ACTN2: variants seen among roughly 807,000 people sequenced by gnomAD.
ACTN2 encodes the protein alpha-actinin-2.
In ACTN2, 39 loss-of-function variants were observed where a neutral mutation model predicts 113.8. The observed-to-expected ratio is 0.34, with a 90% confidence interval of 0.27 to 0.45. The LOEUF (loss-of-function observed/expected upper bound fraction) is 0.45. ACTN2 is among the 20% of genes least tolerant of loss of function. The pLI, the probability that ACTN2 is intolerant of heterozygous loss-of-function variation, is 1.00. For synonymous variants in ACTN2, 429 were observed against 444.1 expected, an observed-to-expected ratio of 0.97 and a Z score of 0.43; for missense variants, 992 against 1,177.9, an observed-to-expected ratio of 0.84 and a Z score of 2.31.
intron 1 of ACTN2, among the ~76,000 whole-genome samples, chr1:236,701,176 CTT>C (rs1048490795): frequency 3.9e-5 from 6 of 152,170 alleles, no homozygotes; most frequent in Non-Finnish European, 7.3e-5. Context: ...AGACTACAAA[CTT>C]TGGTCTCCCT....
intron 15 of ACTN2, 69 bp from the exon 16 acceptor site, chr1:236,753,878 C>T (rs1048206854): frequency 6.0e-6 from 9 of 1,499,724 alleles, no homozygotes; most frequent in East Asian, 4.6e-5. Flanking sequence ...GGACTATTCC[C>T]GCATTCTGTG....
intron 1 of ACTN2, among the ~76,000 whole-genome samples, chr1:236,716,636 C>T (rs1394773419): frequency 1.3e-5 from 2 of 151,894 alleles, no homozygotes; most frequent in Non-Finnish European, 2.9e-5. Flanking sequence ...TTGGAATATG[C>T]TTGTAGGAGG....
chr1:236,727,412 C>T (rs1658584331), intron 5 of ACTN2, among the ~76,000 whole-genome samples: 1 of 152,130 alleles, frequency 6.6e-6, no homozygotes, highest in Admixed American at 6.5e-5. Flanking sequence ...ATCTCCCTTC[C>T]TGTCACTGCC....
chr1:236,754,146 A>C lies in ACTN2; in HGVS notation c.1974+65A>C, dbSNP rs1659483863. 1 of 1,599,444 alleles carries C rather than the reference A, an allele frequency of 6.3e-7. No homozygotes were observed. The highest frequency in any genetic ancestry group is 2.2e-5 in the East Asian group (1 of 44,844). On this transcript the variant is annotated intron_variant, in intron 16 of 20. Coordinates refer to ENST00000366578, the MANE Select transcript of ACTN2 (RefSeq NM_001103.4). The surrounding 1 kb of genome is among the most constrained non-coding windows in gnomAD (Gnocchi z 4.9). ...CGATAAGTCCCTTTAGCCACGCAGC[A>C]GTGACACCGCACATGCTGTGGTTTC...
chr1:236,761,038 T>C lies in ACTN2; in HGVS notation c.2391T>C (p.Ile797=), dbSNP rs1255021096. The change falls in exon 20 of 21, where the codon ATT becomes ATC. Residue 797 remains isoleucine, a synonymous_variant. Coordinates refer to ENST00000366578, the MANE Select transcript of ACTN2 (RefSeq NM_001103.4). ...AGGGTGAAGCCGAATTTGCCCGCAT[T>C]ATGACCCTGGTAGATCCCAACGGGC... ...YDLGEAEFAR[I]MTLVDPNGQG... 3.1e-6 allele frequency: 5 copies of C among 1,614,218 alleles called. No homozygotes were observed. The highest frequency in any genetic ancestry group is 4.2e-6 in the Non-Finnish European group (5 of 1,180,034).
At chr1:236,744,383 A>G (rs1335456242) in intron 11 of ACTN2, among the ~76,000 whole-genome samples, 2 of 152,200 alleles carry the variant, frequency 1.3e-5, no homozygotes, top group African/African-American at 2.4e-5. Flanking sequence ...AAACGCACTC[A>G]GCATGCTCTC....
chr1:236,754,896 C>T lies in ACTN2; in HGVS notation c.1975-123C>T. On this transcript the variant is annotated intron_variant, in intron 16 of 20. Transcript: ENST00000366578. The surrounding 1 kb of genome is among the most constrained non-coding windows in gnomAD (Gnocchi z 4.9). The stretch of plus-strand genomic sequence containing the variant: ...TCTGAGAAAAGTGAACCGAGTGACA[C>T]TGGCCGCTGCCTGACGCTGGCCTAG... 2 of 1,144,242 alleles carry T rather than the reference C, an allele frequency of 1.7e-6. No homozygotes were observed. Among genetic ancestry groups the T allele is most frequent in the Non-Finnish European group, 2.6e-6 (2 of 756,518 alleles). 70.9% of individuals were successfully genotyped at this position (1,144,242 alleles called of 1,614,324 possible). A position where few individuals can be genotyped will look rare whatever the true frequency, so the allele number is the denominator to read the frequency against.
chr1:236,735,012 T>C (rs1397319958), intron 7 of ACTN2, among the ~76,000 whole-genome samples: 1 of 152,228 alleles, frequency 6.6e-6, no homozygotes, highest in African/African-American at 2.4e-5. Flanking sequence ...GCACAAGCCA[T>C]GTAGACCCTT....
chr1:236,743,620 G>C (rs1659139836), intron 11 of ACTN2, among the ~76,000 whole-genome samples: 3 of 150,734 alleles, frequency 2.0e-5, no homozygotes, highest in Admixed American at 2.0e-4. Flanking sequence ...TTCTTGCCAA[G>C]GCAGAAGAAT....
Position 236,721,015 on chromosome 1 carries a change from G to GGTTTTTGTTTTTTT in ACTN2, c.448+824_448+825insGTTTTTGTTTTTTT. Among the ~76,000 whole-genome samples the GGTTTTTGTTTTTTT allele has an allele frequency of 7.9e-4, 39 of 49,136 alleles. 1 individual carries two copies. The highest frequency in any genetic ancestry group is 2.8e-3 in the African/African-American group (28 of 9,938). The allele number at this position is 49,136 out of a possible 152,430, so 32.2% of individuals were successfully genotyped here. On this transcript the variant is annotated intron_variant, in intron 4 of 20. Coordinates refer to ENST00000366578, the MANE Select transcript of ACTN2 (RefSeq NM_001103.4). ...ACAGTAGCCTCTGACTCTGGTTTTT[G>GGTTTTTGTTTTTTT]TTTTTTGTTTTTTTTTTTTTTTTTT...
chr1:236,727,898 C>A, intron 6 of ACTN2, 142 bp downstream of exon 6: 1 of 770,668 alleles, frequency 1.3e-6, no homozygotes, highest in Non-Finnish European at 2.3e-6. Context: ...ATTCTCCCAG[C>A]TAGCCTTTCC....
intron 7 of ACTN2, among the ~76,000 whole-genome samples, chr1:236,732,553 T>C (rs819725): frequency 0.46 from 70,144 of 151,604 alleles, 17,058 homozygotes; most frequent in Middle Eastern, 0.61. Flanking sequence ...AGAGATTCTC[T>C]TGCCTCAGCC....
At chr1:236,720,334 T>C in intron 4 of ACTN2, 143 bp downstream of exon 4, 1 of 717,848 alleles carries the variant, frequency 1.4e-6, no homozygotes, top group Non-Finnish European at 2.5e-6. Flanking sequence ...AAATTTTGTA[T>C]GTGTATAGGA....
In ACTN2 at chr1:236,757,470, C is replaced by A; in HGVS notation, c.2155-16C>A. 1.2e-6 allele frequency: 2 copies of A among 1,614,078 alleles called. No individual in the cohort carries two copies. The highest frequency in any genetic ancestry group is 2.2e-5 in the South Asian group (2 of 91,070). On this transcript the variant is annotated splice_polypyrimidine_tract_variant and intron_variant, in intron 17 of 20. Coordinates refer to ENST00000366578, the MANE Select transcript of ACTN2 (RefSeq NM_001103.4). ...GGAGAGACTTAGAACTGATCTTTCC[C>A]CTTTTCCCTCAATAGCACATTCGTG...
intron 6 of ACTN2, 122 bp from the exon 7 acceptor site, chr1:236,731,111 C>G: frequency 1.4e-6 from 1 of 717,662 alleles, no homozygotes; most frequent in Non-Finnish European, 2.5e-6. Context: ...GAAAGTTACA[C>G]TATTATGATT....
In ACTN2 at chr1:236,736,965, T is replaced by A. The variant is rs79354622; in HGVS notation, c.784-157T>A. On this transcript the variant is annotated intron_variant, in intron 8 of 20. Transcript: ENST00000366578. Reference sequence around the variant, plus strand: ...GGTGTGAAATGATTCATAGTACGCATAAGCCATGCCTTCAGTCTGACCGCA... The same window carrying A: ...GGTGTGAAATGATTCATAGTACGCAAAAGCCATGCCTTCAGTCTGACCGCA... The A allele has an allele frequency of 0.017, 11,501 of 667,058 alleles. 138 individuals are homozygous for A. The highest frequency in any genetic ancestry group is 0.036 in the Middle Eastern group (90 of 2,516). The allele number at this position is 667,058 out of a possible 1,614,324, so 41.3% of individuals were successfully genotyped here.
chr1:236,737,661 T>C (rs1221027676), intron 9 of ACTN2, among the ~76,000 whole-genome samples: 3 of 151,824 alleles, frequency 2.0e-5, no homozygotes, highest in Non-Finnish European at 4.4e-5. Flanking sequence ...CAGCCTGGTG[T>C]GCGGAGCTGG....
chr1:236,708,584 A>G (rs908286932), intron 1 of ACTN2, among the ~76,000 whole-genome samples: 15 of 152,210 alleles, frequency 9.9e-5, no homozygotes, highest in African/African-American at 3.6e-4. Flanking sequence ...ACGTTTTTCA[A>G]GACGGTTGAG....
At chr1:236,715,650 A>G (rs779126988) in intron 1 of ACTN2, among the ~76,000 whole-genome samples, 104 of 152,262 alleles carry the variant, frequency 6.8e-4, no homozygotes, top group Admixed American at 1.4e-3. Flanking sequence ...CTGATTGGGT[A>G]TAGATCTAAA....
Sources: allele counts gnomAD v4.1 joint callset (sites outside exome capture counted in the v4.1 genomes callset), GRCh38; gene constraint gnomAD v4.1.1; non-coding constraint Gnocchi (gnomAD v3.1); transcripts MANE v1.5; gene names NCBI Gene and HGNC (gene_info 2026-07-23, HGNC 2026-07-21).